The following CNIH3 variants were observed in gnomAD, a reference collection of about 807,000 sequenced individuals.
CNIH3 encodes protein cornichon homolog 3.
Under a neutral mutation model 24.1 loss-of-function variants are expected in CNIH3, and 14 were observed. The ratio of observed to expected loss-of-function variants is 0.58; its 90% confidence interval spans 0.38 to 0.91. CNIH3 has a LOEUF of 0.91. Among genes scored for constraint, CNIH3 ranks in the 40% least tolerant of loss-of-function variants. The pLI is 0.00. For missense variants in CNIH3, 178 were observed against 196.8 expected, an observed-to-expected ratio of 0.90 and a Z score of 0.57; for synonymous variants, 68 against 73.8, an observed-to-expected ratio of 0.92 and a Z score of 0.40.
chr1:224,482,127 T>G (rs898324711), intron 1 of CNIH3, among the ~76,000 whole-genome samples: 1 of 152,158 alleles, frequency 6.6e-6, no homozygotes, highest in Admixed American at 6.5e-5. Flanking sequence ...GACTCACCCT[T>G]CAGGGCAGTG....
At chr1:224,673,891 G>A (rs1041361982) in intron 1 of CNIH3, among the ~76,000 whole-genome samples, 23 of 152,138 alleles carry the variant, frequency 1.5e-4, no homozygotes, top group African/African-American at 5.6e-4. Flanking sequence ...GTGCTGGATG[G>A]AGCACTAACC....
At chr1:224,575,425 A>T (rs1450134446) in intron 4 of CNIH3, 2 of 948,908 alleles carry the variant, frequency 2.1e-6, no homozygotes, top group African/African-American at 1.7e-5. Flanking sequence ...AGTGACCTAT[A>T]CCGTGTTTTC....
At chr1:224,631,353 T>G (rs2125078752) in intron 1 of CNIH3, among the ~76,000 whole-genome samples, 1 of 152,276 alleles carries the variant, frequency 6.6e-6, no homozygotes, top group South Asian at 2.1e-4. Flanking sequence ...TTTCAAGGTT[T>G]TGGTTTCCAA....
At chr1:224,577,045 C>A (rs1030546575) in intron 4 of CNIH3, among the ~76,000 whole-genome samples, 5 of 152,148 alleles carry the variant, frequency 3.3e-5, no homozygotes, top group Non-Finnish European at 5.9e-5. Flanking sequence ...TCATCTCTTA[C>A]CTTATATAAA....
intron 1 of CNIH3, among the ~76,000 whole-genome samples, chr1:224,484,354 T>C (rs1676944918): frequency 6.7e-6 from 1 of 150,116 alleles, no homozygotes; most frequent in Admixed American, 6.6e-5. Context: ...GGCACGAACC[T>C]GGGAGGCGGA....
chr1:224,495,532 T>A (rs990208933), intron 1 of CNIH3, among the ~76,000 whole-genome samples: 66 of 152,320 alleles, frequency 4.3e-4, no homozygotes, highest in African/African-American at 1.6e-3. Flanking sequence ...ATGGAGTGTT[T>A]GTGTAGCTGG....
chr1:224,475,084 G>A (rs1180133168), intron 1 of CNIH3, among the ~76,000 whole-genome samples: 3 of 150,096 alleles, frequency 2.0e-5, no homozygotes, highest in African/African-American at 7.4e-5. Context: ...CAGAGGCTGG[G>A]CGCGGTGGCT....
rs148027537 is a variant in CNIH3 at position 224,685,679 on chromosome 1, T to C, written c.198+836T>C. 5.8e-3 allele frequency among the ~76,000 whole-genome samples: 877 copies of C among 152,332 alleles called. 9 individuals carry two copies. The highest frequency in any genetic ancestry group is 0.02 in the African/African-American group (811 of 41,574). On this transcript the variant is annotated intron_variant, in intron 3 of 5. Transcript: ENST00000272133. Reference sequence around the variant, plus strand: ...AAATAAAATGTTATGCCAACATTGATAGAAGGGGAAAATACTTTGCAAGCT... The same window carrying C: ...AAATAAAATGTTATGCCAACATTGACAGAAGGGGAAAATACTTTGCAAGCT...
chr1:224,714,760 A>G (rs904805508), intron 3 of CNIH3, among the ~76,000 whole-genome samples: 4 of 152,196 alleles, frequency 2.6e-5, no homozygotes, highest in Non-Finnish European at 5.9e-5. Context: ...TGATTAAGTC[A>G]TTATTGAACA....
rs1682988575 is a variant in CNIH3 at position 224,616,411 on chromosome 1, C to T, written c.-764C>T. The stretch of plus-strand genomic sequence containing the variant: ...CCTGAAACCCACTGCTGCAGCCACC[C>T]GGGCTGGAGTTGGCCCGTTGGGTGG... On this transcript the variant is annotated 5_prime_UTR_variant, in exon 1 of 6. Coordinates refer to ENST00000272133, the MANE Select transcript of CNIH3 (RefSeq NM_152495.2). 3 of 956,142 alleles carry T rather than the reference C, an allele frequency of 3.1e-6. No individual in the cohort carries two copies. The highest frequency in any genetic ancestry group is 4.1e-5 in the South Asian group (1 of 24,416). The allele number at this position is 956,142 out of a possible 1,614,324, so 59.2% of individuals were successfully genotyped here. A position where few individuals can be genotyped will look rare whatever the true frequency, so the allele number is the denominator to read the frequency against.
intron 1 of CNIH3, among the ~76,000 whole-genome samples, chr1:224,499,474 A>T (rs1438439458): frequency 3.3e-5 from 5 of 151,996 alleles, no homozygotes; most frequent in African/African-American, 4.8e-5. Context: ...TTTGCTTCTA[A>T]TCCCTCTCCC....
intron 1 of CNIH3, among the ~76,000 whole-genome samples, chr1:224,508,759 T>C (rs963191747): frequency 4.6e-5 from 7 of 152,242 alleles, no homozygotes; most frequent in Non-Finnish European, 8.8e-5. Flanking sequence ...TCATATATGG[T>C]TTGTCATAAT....
At chr1:224,716,219 T>C (rs1271849877) in intron 3 of CNIH3, among the ~76,000 whole-genome samples, 1 of 152,220 alleles carries the variant, frequency 6.6e-6, no homozygotes, top group African/African-American at 2.4e-5. Context: ...AGGATTACTC[T>C]TCTACTTCAG....
chr1:224,575,070 A>G lies in CNIH3; in HGVS notation n.517-8094A>G, dbSNP rs539271967. On this transcript the variant is annotated intron_variant and non_coding_transcript_variant, in intron 4 of 5. Coordinates refer to the CNIH3 transcript ENST00000471578. ...CAAAGGCATCATGGTGACTGCCTAC[A>G]GCTCCTTCAGCTCCCCCGACAGGCC... 23 of 863,830 alleles carry G rather than the reference A, an allele frequency of 2.7e-5. No individual in the cohort carries two copies. The East Asian group carries it at 4.1e-4, about 15-fold the overall frequency. The allele number at this position is 863,830 out of a possible 1,614,324, so 53.5% of individuals were successfully genotyped here. A position where few individuals can be genotyped will look rare whatever the true frequency, so the allele number is the denominator to read the frequency against.
chr1:224,656,674 G>A (rs1343295025), intron 1 of CNIH3, among the ~76,000 whole-genome samples: 2 of 152,160 alleles, frequency 1.3e-5, no homozygotes, highest in Admixed American at 6.5e-5. Flanking sequence ...CATTTCAAAA[G>A]GGCTAACTTA....
chr1:224,514,997 C>T (rs12240076), upstream of CNIH3, among the ~76,000 whole-genome samples: 4,037 of 152,314 alleles, frequency 0.027, 178 homozygotes, highest in African/African-American at 0.091. Context: ...AGCTGGGTAC[C>T]TGTTCCTCTC....
intron 1 of CNIH3, among the ~76,000 whole-genome samples, chr1:224,480,278 C>T (rs1040741020): frequency 4.6e-5 from 7 of 152,170 alleles, no homozygotes; most frequent in African/African-American, 9.7e-5. Context: ...GCACACAGCA[C>T]GGGACTCTGG....
chr1:224,469,279 GCTATATTTCC>G (rs2102994388), intron 1 of CNIH3, among the ~76,000 whole-genome samples: 1 of 151,946 alleles, frequency 6.6e-6, no homozygotes, highest in African/African-American at 2.4e-5. Context: ...ACAGGATTTT[GCTATATTTCC>G]CAGGCTGGTC....
At chr1:224,503,252 TG>T (rs1677755837) in intron 1 of CNIH3, among the ~76,000 whole-genome samples, 1 of 152,230 alleles carries the variant, frequency 6.6e-6, no homozygotes, top group Non-Finnish European at 1.5e-5. Context: ...AGGGAGAGCC[TG>T]AGGCACGGGT....
Sources: gnomAD v4.1 joint callset for allele counts (sites outside exome capture counted in the v4.1 genomes callset) on GRCh38, gnomAD v4.1.1 for gene constraint, MANE v1.5 for transcripts, NCBI Gene and HGNC (gene_info 2026-07-23, HGNC 2026-07-21) for gene names.